Variants in SHISA5 observed in about 807,000 individuals in gnomAD.
SHISA5 encodes the protein protein shisa-5.
Under a neutral mutation model 27.5 loss-of-function variants are expected in SHISA5, and 21 were observed. That is an observed-to-expected ratio of 0.76 (90% CI 0.54 to 1.10). The LOEUF (loss-of-function observed/expected upper bound fraction) is 1.10, where lower values mean the gene tolerates loss of function less well. Ranked by LOEUF, SHISA5 falls within the 50% of genes least tolerant of loss-of-function variation. SHISA5 has a pLI of 0.00. For missense variants in SHISA5, 314 were observed against 336.3 expected, an observed-to-expected ratio of 0.93 and a Z score of 0.52; for synonymous variants, 137 against 142.2, an observed-to-expected ratio of 0.96 and a Z score of 0.26.
intron 2 of SHISA5, among the ~76,000 whole-genome samples, chr3:48,486,812 C>G (rs776487743): frequency 6.7e-6 from 1 of 149,092 alleles, no homozygotes; most frequent in Non-Finnish European, 1.5e-5. Flanking sequence ...TGCCTGTACT[C>G]GGGAGGCTGA....
At chr3:48,487,172 G>A (rs1233655374) in intron 2 of SHISA5, among the ~76,000 whole-genome samples, 1 of 151,718 alleles carries the variant, frequency 6.6e-6, no homozygotes, top group Non-Finnish European at 1.5e-5. Flanking sequence ...ACACAGATGC[G>A]CCTGCCAAGA....
rs2040920038 is a variant in SHISA5, at chr3:48,479,185, G to A, written c.306C>T (p.Pro102=). Residue 102 remains proline, a synonymous_variant, in exon 3 of 6, where the codon CCC becomes CCT. Transcript: ENST00000296444. Reference sequence around the variant, plus strand: ...CAGCAGGCTTTACTTACCCTGACATGGGGTCGTTGTAGCCAGGGCGAAACC... The same window carrying A: ...CAGCAGGCTTTACTTACCCTGACATAGGGTCGTTGTAGCCAGGGCGAAACC... ...ALRFRPGYND[P]MSGFGATLAV... is the part of the protein sequence containing the mutation. The A allele has an allele frequency of 5.0e-6, 8 of 1,609,250 alleles. No homozygotes were observed. The highest frequency in any genetic ancestry group is 5.9e-6 in the Non-Finnish European group (7 of 1,178,434).
chr3:48,469,266 G>A lies in SHISA5; in HGVS notation c.644-80C>T. 2 of 1,580,964 alleles carry A rather than the reference G, an allele frequency of 1.3e-6. No homozygotes were observed. Among genetic ancestry groups the A allele is most frequent in the Non-Finnish European group, 1.7e-6 (2 of 1,164,176 alleles). On this transcript the variant is annotated intron_variant, in intron 5 of 5. Transcript: ENST00000296444. This position sits in a 1 kb window ranked among gnomAD's most constrained non-coding sequence, Gnocchi z 4.6. ...TGGCAGGCAAGCAGAAAGGGGCAGA[G>A]GCCTGTTGAGTGATGTAGTTTGGGA...
chr3:48,504,243 G>A (rs1359041697), upstream of SHISA5: 2 of 371,944 alleles, frequency 5.4e-6, no homozygotes, highest in Admixed American at 9.2e-5. The surrounding 1 kb of genome is among the most constrained non-coding windows in gnomAD (Gnocchi z 4.0). Flanking sequence ...AGCAGGAGGA[G>A]GAGGAGGGAG....
chr3:48,480,106 T>G (rs2040958761), intron 2 of SHISA5, among the ~76,000 whole-genome samples: 1 of 151,258 alleles, frequency 6.6e-6, no homozygotes, highest in South Asian at 2.1e-4. Context: ...GGTTTCACCG[T>G]GTTAGCCAGG....
Position 48,501,209 on chromosome 3 carries a change from T to A in SHISA5, c.161A>T (p.Asp54Val). Residue 54 changes from aspartate to valine, a missense_variant, in exon 2 of 6, where the codon GAC (aspartate) becomes GTC (valine). Physicochemically the swap from Asp to Val is radical, Grantham distance 152 (BLOSUM62 -3). Coordinates refer to ENST00000296444, the MANE Select transcript of SHISA5 (RefSeq NM_016479.6). ...CPDFCCGTCD[D>V]QYCCSDVLKK... ...CAGCACGTCAGAGCAGCAGTATTGG[T>A]CATCACAGGTACCACAGCAGAAATC... The A allele has an allele frequency of 6.2e-7, 1 of 1,614,048 alleles. No individual in the cohort carries two copies. Among genetic ancestry groups the A allele is most frequent in the Non-Finnish European group, 8.5e-7 (1 of 1,179,974 alleles).
rs186009756 is a variant in SHISA5 at position 48,473,936 on chromosome 3, C to T, written c.315-4093G>A. On this transcript the variant is annotated intron_variant, in intron 3 of 5. Transcript: ENST00000296444. This position sits in a 1 kb window ranked among gnomAD's most constrained non-coding sequence, Gnocchi z 4.3. ...CAAAAATTAGCCAGGCTTGGTGGCACGCACCTGTAATCCCAGCTACTCAGG... is the reference window on the plus strand; with the variant it reads ...CAAAAATTAGCCAGGCTTGGTGGCATGCACCTGTAATCCCAGCTACTCAGG... 4.7e-5 allele frequency among the ~76,000 whole-genome samples: 7 copies of T among 149,656 alleles called. No homozygotes were observed. In the East Asian group the frequency reaches 5.8e-4, roughly 12 times the overall value.
chr3:48,503,271 A>C, intron 1 of SHISA5: 1 of 905,564 alleles, frequency 1.1e-6, no homozygotes, highest in African/African-American at 1.7e-5. Context: ...TCACTGAATC[A>C]GTGACCGACC....
rs2040570156 is a variant in SHISA5, at chr3:48,470,538, G to A, written c.315-695C>T. 6.6e-6 allele frequency among the ~76,000 whole-genome samples: 1 copy of A among 152,328 alleles called. No homozygotes were observed. The highest frequency in any genetic ancestry group is 6.5e-5 in the Admixed American group (1 of 15,306). On this transcript the variant is annotated intron_variant, in intron 3 of 5. Transcript: ENST00000296444. This position sits in a 1 kb window ranked among gnomAD's most constrained non-coding sequence, Gnocchi z 4.3. The stretch of plus-strand genomic sequence containing the variant: ...GCATGGCCACTTCCACAGGTGAGAG[G>A]GCCAAGAGCCAAGGGGAGGACACAG...
chr3:48,488,252 T>C (rs2041309884), intron 2 of SHISA5, among the ~76,000 whole-genome samples: 1 of 147,982 alleles, frequency 6.8e-6, no homozygotes, highest in Non-Finnish European at 1.5e-5. Context: ...TTTTTTTTTT[T>C]TTTTTTTTTT....
intron 2 of SHISA5, among the ~76,000 whole-genome samples, chr3:48,498,402 G>A (rs1316732279): frequency 6.6e-6 from 1 of 152,192 alleles, no homozygotes; most frequent in African/African-American, 2.4e-5. Flanking sequence ...GAATAGGAAA[G>A]AAGGCTGGGG....
chr3:48,483,091 A>AT (rs71074250), intron 2 of SHISA5, among the ~76,000 whole-genome samples: 16,588 of 142,840 alleles, frequency 0.12, 1,816 homozygotes, highest in African/African-American at 0.29. Flanking sequence ...CACCTAGCTA[A>AT]TTTTTTTTTT....
chr3:48,499,406 C>T (rs1301591288), intron 2 of SHISA5, among the ~76,000 whole-genome samples: 4 of 151,932 alleles, frequency 2.6e-5, no homozygotes, highest in Non-Finnish European at 2.9e-5. Flanking sequence ...CCATCAGGCG[C>T]GGTGGCTCAT....
chr3:48,476,495 G>T (rs1357201679), intron 3 of SHISA5, among the ~76,000 whole-genome samples: 2 of 152,180 alleles, frequency 1.3e-5, no homozygotes, highest in Non-Finnish European at 2.9e-5. Flanking sequence ...CTTCTCCTGA[G>T]CTCCTGGCCA....
At position 48,468,332 on chromosome 3, in the gene SHISA5, G is replaced by A; in HGVS notation, c.*775C>T. 9.5e-7 allele frequency: 1 copy of A among 1,048,572 alleles called. No individual in the cohort carries two copies. The allele number at this position is 1,048,572 out of a possible 1,614,324, so 65.0% of individuals were successfully genotyped here. ...CAGGAGCCCTGCTCACCTGTGGGAA[G>A]GGCAGGGCCAGCAAGGGCAGCAGAG... On this transcript the variant is annotated 3_prime_UTR_variant, in exon 6 of 6. Coordinates refer to ENST00000296444, the MANE Select transcript of SHISA5 (RefSeq NM_016479.6).
At chr3:48,471,571 A>C (rs1560119063) in intron 3 of SHISA5, among the ~76,000 whole-genome samples, 3 of 112,828 alleles carry the variant, frequency 2.7e-5, no homozygotes, top group Non-Finnish European at 5.4e-5. Context: ...AAAAAAAAAA[A>C]AAAAAAAGTC....
chr3:48,502,267 C>G, intron 1 of SHISA5: 1 of 398,744 alleles, frequency 2.5e-6, no homozygotes, highest in Non-Finnish European at 5.2e-6. Flanking sequence ...TCTCACAGAC[C>G]ACCCCATAAC....
chr3:48,497,274 T>G (rs1303390091), intron 2 of SHISA5, among the ~76,000 whole-genome samples: 4 of 148,350 alleles, frequency 2.7e-5, no homozygotes, highest in Non-Finnish European at 6.0e-5. Context: ...TTTTTTTTTT[T>G]TTTTTTTTTG....
chr3:48,501,706 G>A (rs1048786891), intron 1 of SHISA5, among the ~76,000 whole-genome samples: 16 of 151,974 alleles, frequency 1.1e-4, no homozygotes, highest in African/African-American at 2.9e-4. Context: ...TCCACACTCC[G>A]CTCACATTCT....
Sources: gnomAD v4.1 joint callset for allele counts (sites outside exome capture counted in the v4.1 genomes callset) on GRCh38, gnomAD v4.1.1 for gene constraint, Gnocchi (gnomAD v3.1) non-coding constraint, MANE v1.5 for transcripts, NCBI Gene and HGNC (gene_info 2026-07-23, HGNC 2026-07-21) for gene names.